SUPV3L1: variants seen among roughly 807,000 people sequenced by gnomAD.
The protein encoded by SUPV3L1 is ATP-dependent RNA helicase SUPV3L1, mitochondrial.
In SUPV3L1, 35 loss-of-function variants were observed where a neutral mutation model predicts 70.0. The observed-to-expected ratio is 0.50, with a 90% CI of 0.38 to 0.66. The LOEUF (loss-of-function observed/expected upper bound fraction) is 0.66, where lower values mean the gene tolerates loss of function less well. Ranked by LOEUF, SUPV3L1 falls within the 30% of genes least tolerant of loss-of-function variation. The pLI is 0.00. For synonymous variants in SUPV3L1, 364 were observed against 341.9 expected, an observed-to-expected ratio of 1.06 and a Z score of -0.71; for missense variants, 777 against 961.5, an observed-to-expected ratio of 0.81 and a Z score of 2.54.
chr10:69,202,740 A>T, intron 12 of SUPV3L1, 127 bp from the exon 13 acceptor site: 1 of 1,112,852 alleles, frequency 9.0e-7, no homozygotes, highest in Non-Finnish European at 1.3e-6. Context: ...GGGAGTGATT[A>T]AAGCAAGCCT....
intron 5 of SUPV3L1, among the ~76,000 whole-genome samples, chr10:69,190,825 G>A (rs1250076426): frequency 1.3e-5 from 2 of 152,166 alleles, no homozygotes; most frequent in African/African-American, 4.8e-5. Flanking sequence ...CCCATGATTA[G>A]ATTCAGGCTA....
intron 3 of SUPV3L1, among the ~76,000 whole-genome samples, chr10:69,187,235 T>C (rs1842254610): frequency 6.6e-6 from 1 of 151,984 alleles, no homozygotes. Context: ...GCTAGCCAAT[T>C]TCCTGAAAAT....
In SUPV3L1 at chr10:69,208,648, C is replaced by T. The variant is rs1353188402; in HGVS notation, c.1974C>T (p.Leu658=). The T allele has an allele frequency of 6.2e-7, 1 of 1,613,748 alleles. No individual in the cohort carries two copies. Among genetic ancestry groups the T allele is most frequent in the South Asian group, 1.1e-5 (1 of 91,056 alleles). ...CAGATGCCAGCCTTATTCGAGATCT[C>T]CAGAAAGAACTAGATGGTATTATCC... ...MFPDASLIRD[L]QKELDGIIQD... is the part of the protein sequence containing the mutation. Residue 658 remains leucine, a synonymous_variant, in exon 15 of 15, where the codon CTC becomes CTT. Coordinates refer to ENST00000359655, the MANE Select transcript of SUPV3L1 (RefSeq NM_003171.5).
rs1368542623 is a variant in SUPV3L1, at chr10:69,191,718, G to T, written c.805G>T (p.Ala269Ser). 1 of 1,613,846 alleles carries T rather than the reference G, an allele frequency of 6.2e-7. No individual in the cohort carries two copies. Among genetic ancestry groups the T allele is most frequent in the African/African-American group, 1.3e-5 (1 of 74,862 alleles). Residue 269 changes from alanine (A) to serine (S), a missense_variant, in exon 6 of 15, where the codon GCT (alanine) becomes TCT (serine). By Grantham distance (99) the Ala-to-Ser change is moderately conservative (BLOSUM62 1). Transcript: ENST00000359655. ...RVTVQPNGKQASHVSCTVEMC... is the reference protein window; with the variant it reads ...RVTVQPNGKQSSHVSCTVEMC... The stretch of plus-strand genomic sequence containing the variant: ...GACAGTTCAGCCAAATGGGAAACAG[G>T]CTTCACATGTTTCTTGTACAGTTGA...
At chr10:69,202,580 G>A (rs566269854) in intron 12 of SUPV3L1, 61 bp downstream of exon 12, 3 of 1,468,206 alleles carry the variant, frequency 2.0e-6, no homozygotes, top group Non-Finnish European at 2.8e-6. Context: ...GTGATTACTG[G>A]TTAACCTCAT....
intron 1 of SUPV3L1, among the ~76,000 whole-genome samples, chr10:69,185,286 G>A (rs1041802450): frequency 1.3e-5 from 2 of 152,160 alleles, no homozygotes; most frequent in Non-Finnish European, 2.9e-5. Flanking sequence ...GCTTCCTTAA[G>A]CATGAGGATC....
intron 1 of SUPV3L1, among the ~76,000 whole-genome samples, chr10:69,182,261 C>T (rs1345438991): frequency 1.3e-5 from 2 of 152,124 alleles, no homozygotes; most frequent in East Asian, 1.9e-4. Flanking sequence ...TCCCAAAGCC[C>T]TGAGATTACA....
chr10:69,189,595 C>A (rs1484647313), intron 5 of SUPV3L1, among the ~76,000 whole-genome samples, 160 bp downstream of exon 5: 4 of 150,418 alleles, frequency 2.7e-5, no homozygotes, highest in African/African-American at 9.8e-5. Flanking sequence ...ATTTTATATA[C>A]AGTTAAGAAA....
At chr10:69,207,756 A>C (rs951988725) in intron 13 of SUPV3L1, 37 bp from the exon 14 acceptor site, 1 of 1,588,698 alleles carries the variant, frequency 6.3e-7, no homozygotes, top group Admixed American at 1.9e-5. Flanking sequence ...GGGAATTCTG[A>C]CACTTCTCTG....
chr10:69,204,157 TGAA>T (rs1262020922), intron 13 of SUPV3L1, among the ~76,000 whole-genome samples: 1 of 152,238 alleles, frequency 6.6e-6, no homozygotes, highest in African/African-American at 2.4e-5. Context: ...ATGATTATAA[TGAA>T]GAAATCTACA....
At chr10:69,183,848 G>A (rs1842138544) in intron 1 of SUPV3L1, among the ~76,000 whole-genome samples, 1 of 149,018 alleles carries the variant, frequency 6.7e-6, no homozygotes, top group Non-Finnish European at 1.5e-5. Flanking sequence ...ATATCTGTTA[G>A]CAAGTCACTC....
intron 6 of SUPV3L1, among the ~76,000 whole-genome samples, chr10:69,194,476 A>G (rs967591343): frequency 1.3e-5 from 2 of 151,618 alleles, no homozygotes; most frequent in African/African-American, 4.8e-5. Context: ...CTCAGCCTCC[A>G]GAGTAGCTGG....
chr10:69,205,781 C>T (rs943821041), intron 13 of SUPV3L1, among the ~76,000 whole-genome samples: 3 of 152,158 alleles, frequency 2.0e-5, no homozygotes, highest in Admixed American at 6.5e-5. Context: ...GTGATCCACC[C>T]GCCTTGGCCT....
intron 1 of SUPV3L1, among the ~76,000 whole-genome samples, chr10:69,181,021 A>G (rs1324163727): frequency 2.0e-5 from 3 of 152,092 alleles, no homozygotes; most frequent in African/African-American, 7.2e-5. Flanking sequence ...GAGGAACCAG[A>G]CTCAGATCCA....
At chr10:69,184,838 C>G (rs111785203) in intron 1 of SUPV3L1, among the ~76,000 whole-genome samples, 1 of 152,196 alleles carries the variant, frequency 6.6e-6, no homozygotes. Context: ...AAATACAGGT[C>G]ACTTGGCCTT....
Position 69,180,296 on chromosome 10 carries a change from CCTT to C in SUPV3L1, c.8_10del (p.Phe3del), listed in dbSNP as rs760820959. On this transcript the variant is annotated inframe_deletion, in exon 1 of 15. Transcript: ENST00000359655. ...AGTGTAGAACCTGCGGCCTCGATGT[CCTT>C]CTCCCGTGCCCTATTGTGGGCTCGG... 3.1e-6 allele frequency: 5 copies of C among 1,613,364 alleles called. No individual in the cohort carries two copies. Among genetic ancestry groups the C allele is most frequent in the Non-Finnish European group, 4.2e-6 (5 of 1,179,820 alleles).
At chr10:69,204,442 C>T (rs1189479851) in intron 13 of SUPV3L1, among the ~76,000 whole-genome samples, 1 of 152,112 alleles carries the variant, frequency 6.6e-6, no homozygotes, top group Non-Finnish European at 1.5e-5. Context: ...CATAAATAGT[C>T]CAGTGCTGTG....
intron 3 of SUPV3L1, among the ~76,000 whole-genome samples, chr10:69,187,183 A>G (rs550395881): frequency 6.6e-6 from 1 of 152,216 alleles, no homozygotes; most frequent in Non-Finnish European, 1.5e-5. Flanking sequence ...TGCCAATGCT[A>G]ATCTTTGCCT....
At chr10:69,206,571 A>G (rs1842834466) in intron 13 of SUPV3L1, among the ~76,000 whole-genome samples, 1 of 152,242 alleles carries the variant, frequency 6.6e-6, no homozygotes, top group Admixed American at 6.5e-5. Flanking sequence ...GGTTCAAGAC[A>G]GGGCTGTGAT....
Sources: allele counts gnomAD v4.1 joint callset (sites outside exome capture counted in the v4.1 genomes callset), GRCh38; gene constraint gnomAD v4.1.1; transcripts MANE v1.5; gene names NCBI Gene and HGNC (gene_info 2026-07-23, HGNC 2026-07-21).